Variants in RAG1 observed in about 807,000 individuals in gnomAD.
RAG1 encodes the protein V(D)J recombination-activating protein 1.
A neutral mutation model predicts 62.7 loss-of-function variants in RAG1; 35 were observed. The observed-to-expected ratio is 0.56, with a 90% CI of 0.43 to 0.74. The LOEUF is 0.74. RAG1 is among the 30% of genes least tolerant of loss of function. The probability of loss-of-function intolerance (pLI) is 0.00; values close to 1 mark genes in which losing one functional copy is unlikely to be tolerated. For synonymous variants in RAG1, 461 were observed against 470.3 expected, an observed-to-expected ratio of 0.98 and a Z score of 0.26; for missense variants, 1,169 against 1,278.6, an observed-to-expected ratio of 0.91 and a Z score of 1.31.
chr11:36,531,242 A>T (rs1025792403), intron 2 of RAG1, among the ~76,000 whole-genome samples: 2 of 151,922 alleles, frequency 1.3e-5, no homozygotes, highest in Non-Finnish European at 2.9e-5. Context: ...AATGGGTTTC[A>T]TATGGACAAC....
intron 3 of RAG1, among the ~76,000 whole-genome samples, chr11:36,545,828 A>T (rs374041959): frequency 1.3e-4 from 20 of 152,256 alleles, no homozygotes; most frequent in African/African-American, 4.3e-4. Context: ...CAAAGAACTT[A>T]TGTCTTAATT....
intron 2 of RAG1, among the ~76,000 whole-genome samples, chr11:36,535,072 G>A (rs1405849024): frequency 1.3e-5 from 2 of 152,028 alleles, no homozygotes; most frequent in African/African-American, 4.8e-5. Flanking sequence ...GTGTCATTTT[G>A]GAATGTATCA....
At position 36,529,208 on chromosome 11, in the gene RAG1, A is replaced by C. The variant is rs369475013; in HGVS notation, n.429-6751A>C. ...CAATAAAAAAAGAAAATTTTAGGCC[A>C]ATATTCCTGAAGAACATCGATGTGA... is the stretch of plus-strand genomic sequence containing the variant. On this transcript the variant is annotated intron_variant and non_coding_transcript_variant, in intron 2 of 2. Transcript: ENST00000529126. Among the ~76,000 whole-genome samples the C allele has an allele frequency of 1.7e-4, 26 of 152,336 alleles. No homozygotes were observed. In the East Asian group the frequency reaches 3.9e-3, roughly 23 times the overall value.
At position 36,550,851 on chromosome 11, in the gene RAG1, C is replaced by T. The variant is rs2422295; in HGVS notation, c.-411-12534C>T. 2.7e-4 allele frequency among the ~76,000 whole-genome samples: 41 copies of T among 152,228 alleles called. No individual in the cohort carries two copies. The East Asian group carries it at 4.2e-3, about 16-fold the overall frequency. On this transcript the variant is annotated intron_variant and NMD_transcript_variant, in intron 3 of 9. Transcript: ENST00000534663. ...TGTCCTTTCTCTCTATTGTTCATAT[C>T]AATCCCACAGAAGTACTCTGCCTAC...
intron 1 of RAG1, among the ~76,000 whole-genome samples, chr11:36,513,010 G>A (rs1034345026): frequency 2.0e-5 from 3 of 152,182 alleles, no homozygotes; most frequent in Admixed American, 6.5e-5. Context: ...GGTCGTGGAA[G>A]GACACTCTTC....
chr11:36,517,957 T>C (rs1860018484), intron 1 of RAG1, among the ~76,000 whole-genome samples: 1 of 151,124 alleles, frequency 6.6e-6, no homozygotes, highest in South Asian at 2.1e-4. Flanking sequence ...CATTTAGCAT[T>C]AGGTATATCT....
At chr11:36,541,901 G>A (rs528016350) in intron 3 of RAG1, among the ~76,000 whole-genome samples, 3 of 151,846 alleles carry the variant, frequency 2.0e-5, no homozygotes, top group Admixed American at 6.6e-5. Flanking sequence ...ACCACCTACC[G>A]CCCCTACCCA....
At chr11:36,565,626 A>G (rs966032781), upstream of RAG1, among the ~76,000 whole-genome samples, 7 of 152,216 alleles carry the variant, frequency 4.6e-5, no homozygotes, top group Non-Finnish European at 8.8e-5. Flanking sequence ...TTTGCTTGGA[A>G]CAACATGGAT....
At chr11:36,545,685 T>C (rs570777708) in intron 3 of RAG1, among the ~76,000 whole-genome samples, 6 of 152,342 alleles carry the variant, frequency 3.9e-5, no homozygotes, top group South Asian at 2.1e-4. Context: ...TGTTCTTCTA[T>C]TGGCAGACAT....
At chr11:36,541,418 A>G (rs1258006957) in intron 3 of RAG1, among the ~76,000 whole-genome samples, 1 of 152,254 alleles carries the variant, frequency 6.6e-6, no homozygotes, top group Non-Finnish European at 1.5e-5. Context: ...ATTAATGTTG[A>G]ACACACATTA....
In RAG1 at chr11:36,575,617, T is replaced by C. The variant is rs142419805; in HGVS notation, c.2313T>C (p.Ser771=). The C allele has an allele frequency of 1.2e-6, 2 of 1,614,208 alleles. No homozygotes were observed. Among genetic ancestry groups the C allele is most frequent in the Non-Finnish European group, 8.5e-7 (1 of 1,180,042 alleles). Residue 771 remains serine, a synonymous_variant, in exon 2 of 2, where the codon TCT becomes TCC. Transcript: ENST00000299440. This position sits in a 1 kb window ranked among gnomAD's most constrained non-coding sequence, Gnocchi z 4.1. ...EVWRSNPYHE[S]VEELRDRVKG... is the part of the protein sequence containing the mutation. ...GGCGTTCCAACCCTTACCATGAGTC[T>C]GTGGAAGAACTGCGGGATCGGGTGA...
chr11:36,569,883 T>C (rs1850713941), intron 1 of RAG1, among the ~76,000 whole-genome samples: 1 of 152,218 alleles, frequency 6.6e-6, no homozygotes, highest in Non-Finnish European at 1.5e-5. Flanking sequence ...AAGGGAATCC[T>C]ACTATACTTG....
intron 2 of RAG1, among the ~76,000 whole-genome samples, chr11:36,523,335 G>T (rs1469908995): frequency 6.6e-6 from 1 of 152,130 alleles, no homozygotes; most frequent in East Asian, 1.9e-4. Context: ...TTAAAAATGG[G>T]AGTTTCCCTG....
rs759876765 is a variant in RAG1, at chr11:36,574,351, C to A, written c.1047C>A (p.Ser349Arg). 8 of 1,614,204 alleles carry A rather than the reference C, an allele frequency of 5.0e-6. No homozygotes were observed. Among genetic ancestry groups the A allele is most frequent in the Non-Finnish European group, 6.8e-6 (8 of 1,180,032 alleles). ...AGAGTCCAGTGAAGTCCTTTCTGAG[C>A]GTCTTGAATTCCCTGATGGTGAAAT... ...DLESPVKSFL[S>R]VLNSLMVKCP... is the part of the protein sequence containing the mutation. The change falls in exon 2 of 2, where the codon AGC becomes AGA. Residue 349 changes from serine (S) to arginine (R), a missense_variant. Transcript: ENST00000299440.
chr11:36,560,552 G>A (rs1368483794), intron 3 of RAG1, among the ~76,000 whole-genome samples: 1 of 152,166 alleles, frequency 6.6e-6, no homozygotes, highest in African/African-American at 2.4e-5. Context: ...TGGTGGCTCT[G>A]CTCTCAGCAT....
At chr11:36,547,654 G>T (rs1850415219) in intron 3 of RAG1, among the ~76,000 whole-genome samples, 1 of 152,088 alleles carries the variant, frequency 6.6e-6, no homozygotes, top group Non-Finnish European at 1.5e-5. Context: ...ACCAAAAAAA[G>T]TCCAGGACCA....
chr11:36,520,224 G>A (rs938043398), exon 2 of RAG1: 2 of 152,168 alleles, frequency 1.3e-5, no homozygotes, highest in African/African-American at 4.8e-5. Flanking sequence ...CAGCCAAGAG[G>A]GAAATGTGAG....
At chr11:36,548,162 A>G (rs964733203) in intron 3 of RAG1, among the ~76,000 whole-genome samples, 8 of 152,354 alleles carry the variant, frequency 5.3e-5, no homozygotes, top group South Asian at 4.1e-4. Flanking sequence ...ACTCAGAGCC[A>G]ATATCATACT....
intron 2 of RAG1, among the ~76,000 whole-genome samples, chr11:36,527,327 T>C (rs1435648904): frequency 6.6e-6 from 1 of 152,198 alleles, no homozygotes; most frequent in Non-Finnish European, 1.5e-5. Context: ...CCAGCACTAT[T>C]TATTAAATAG....
Sources: gnomAD v4.1 joint callset for allele counts (sites outside exome capture counted in the v4.1 genomes callset) on GRCh38, gnomAD v4.1.1 for gene constraint, Gnocchi (gnomAD v3.1) non-coding constraint, MANE v1.5 for transcripts, NCBI Gene and HGNC (gene_info 2026-07-23, HGNC 2026-07-21) for gene names.